The following PRKCG variants were observed in gnomAD, a reference collection of about 807,000 sequenced individuals.
The protein encoded by PRKCG is protein kinase C gamma type.
A neutral mutation model predicts 82.0 loss-of-function variants in PRKCG; 28 were observed. That is an observed-to-expected ratio of 0.34 (90% confidence interval 0.25 to 0.47). The LOEUF (loss-of-function observed/expected upper bound fraction) is 0.47, where lower values mean the gene tolerates loss of function less well. Among genes scored for constraint, PRKCG ranks in the 20% least tolerant of loss-of-function variants. The pLI is 1.00. For missense variants in PRKCG, 640 were observed against 952.7 expected (o/e 0.67, Z 4.32); for synonymous variants, 383 against 376.6 (o/e 1.02, Z -0.20).
chr19:53,894,765 C>A (rs1396999938), intron 9 of PRKCG, among the ~76,000 whole-genome samples: 1 of 152,176 alleles, frequency 6.6e-6, no homozygotes, highest in Non-Finnish European at 1.5e-5. Context: ...CAGACGAATA[C>A]CCATTTTCTA....
chr19:53,903,044 C>T, intron 14 of PRKCG, 29 bp from the exon 15 acceptor site: 2 of 1,581,816 alleles, frequency 1.3e-6, no homozygotes, highest in Non-Finnish European at 1.7e-6. Context: ...AAGAACGCAT[C>T]ATGATTCCCT....
rs2068617144 is a variant in PRKCG, at chr19:53,884,411, G to A, written c.285+168G>A. 6.6e-6 allele frequency among the ~76,000 whole-genome samples: 1 copy of A among 152,086 alleles called. No individual in the cohort carries two copies. The highest frequency in any genetic ancestry group is 6.6e-5 in the Admixed American group (1 of 15,254). Reference sequence around the variant, plus strand: ...TTCCTTGCCCTTGGCCTGGAAAGGGGGAATGCGAGGGGGACTGACAGGCTG... The same window carrying A: ...TTCCTTGCCCTTGGCCTGGAAAGGGAGAATGCGAGGGGGACTGACAGGCTG... On this transcript the variant is annotated intron_variant, in intron 3 of 17. Transcript: ENST00000263431. The surrounding 1 kb of genome is among the most constrained non-coding windows in gnomAD (Gnocchi z 4.6).
rs113382850 is a variant in PRKCG, at chr19:53,896,376, G to GATTATTATT, written c.940-1544_940-1536dup. ...CAACACAGCAAACAGAAACAGCCCT[G>GATTATTATT]ATTATTATTATTATTATTATTATTA... is the stretch of plus-strand genomic sequence containing the variant. On this transcript the variant is annotated intron_variant, in intron 9 of 17. Coordinates refer to ENST00000263431, the MANE Select transcript of PRKCG (RefSeq NM_002739.5). 8.3e-4 allele frequency among the ~76,000 whole-genome samples: 118 copies of GATTATTATT among 141,938 alleles called. 2 individuals are homozygous for GATTATTATT. Among genetic ancestry groups the GATTATTATT allele is most frequent in the Admixed American group, 1.1e-3 (15 of 14,046 alleles). The allele number at this position is 141,938 out of a possible 152,430, so 93.1% of individuals were successfully genotyped here.
chr19:53,891,667 C>T lies in PRKCG; in HGVS notation c.530-7C>T, dbSNP rs200356049. On this transcript the variant is annotated splice_polypyrimidine_tract_variant and splice_region_variant and intron_variant, in intron 5 of 17. Coordinates refer to ENST00000263431, the MANE Select transcript of PRKCG (RefSeq NM_002739.5). ...ACCCGTCACACTCTTCCTCACTCCC[C>T]GTTTAGTTGGCGAGGCCCGTAACCT... 1.5e-3 allele frequency: 2,485 copies of T among 1,613,724 alleles called. 28 individuals are homozygous for T. The highest frequency in any genetic ancestry group is 6.9e-4 in the Non-Finnish European group (818 of 1,179,800).
intron 15 of PRKCG, 124 bp downstream of exon 15, chr19:53,903,277 T>C: frequency 1.2e-6 from 1 of 808,394 alleles, no homozygotes; most frequent in Non-Finnish European, 2.2e-6. Context: ...TCCATGGTTC[T>C]GAAGTGTTGT....
chr19:53,906,190 T>C, intron 16 of PRKCG, 127 bp from the exon 17 acceptor site: 2 of 1,262,976 alleles, frequency 1.6e-6, no homozygotes, highest in South Asian at 1.3e-5. Context: ...GCTGTTCTTA[T>C]CTCTCCGGAT....
At chr19:53,896,403 T>G (rs2068718513) in intron 9 of PRKCG, among the ~76,000 whole-genome samples, 1 of 148,130 alleles carries the variant, frequency 6.8e-6, no homozygotes, top group South Asian at 2.1e-4. Flanking sequence ...TTATTATTAT[T>G]ATTATTATTA....
In PRKCG at chr19:53,900,746, G is replaced by A. The variant is rs760092806; in HGVS notation, c.1572G>A (p.Pro524=). The part of the protein sequence containing the change: ...TFCGTPDYIA[P]EIIAYQPYGK... Reference sequence around the variant, plus strand: ...GCGGGACCCCGGACTACATAGCCCCGGAGGTAACCCCAACCCTGCTGCTCT... The same window carrying A: ...GCGGGACCCCGGACTACATAGCCCCAGAGGTAACCCCAACCCTGCTGCTCT... Residue 524 remains proline (P), a synonymous_variant, in exon 14 of 18, where the codon CCG becomes CCA. Coordinates refer to ENST00000263431, the MANE Select transcript of PRKCG (RefSeq NM_002739.5). The surrounding 1 kb of genome is among the most constrained non-coding windows in gnomAD (Gnocchi z 4.2). The A allele has an allele frequency of 7.4e-6, 12 of 1,614,038 alleles. No individual in the cohort carries two copies. In the Admixed American group the frequency reaches 2.0e-4, roughly 27 times the overall value.
At position 53,906,340 on chromosome 19, in the gene PRKCG, G is replaced by A; in HGVS notation, c.1788G>A (p.Lys596=). ...CKGFLTKHPG[K]RLGSGPDGEP... is the part of the protein sequence containing the mutation. ...AGTTCCTGACCAAGCACCCAGGGAA[G>A]CGCCTGGGCTCAGGGCCTGATGGGG... Residue 596 remains lysine (K), a synonymous_variant, in exon 17 of 18, where the codon AAG becomes AAA. Transcript: ENST00000263431. The A allele has an allele frequency of 1.9e-6, 3 of 1,551,646 alleles. No individual in the cohort carries two copies. The highest frequency in any genetic ancestry group is 1.4e-5 in the African/African-American group (1 of 73,008).
At chr19:53,906,266 G>A in intron 16 of PRKCG, 51 bp from the exon 17 acceptor site, 1 of 1,549,334 alleles carries the variant, frequency 6.5e-7, no homozygotes, top group Non-Finnish European at 8.7e-7. Flanking sequence ...GGGTCTACCT[G>A]TCCGGCACTC....
At chr19:53,897,845 T>C (rs2068728448) in intron 9 of PRKCG, 114 bp from the exon 10 acceptor site, 8 of 1,478,660 alleles carry the variant, frequency 5.4e-6, no homozygotes, top group African/African-American at 1.4e-5. Flanking sequence ...GCCATTTTCC[T>C]CTGTCTAGCG....
chr19:53,884,300 T>TCGGCGTC lies in PRKCG; in HGVS notation c.285+60_285+66dup. On this transcript the variant is annotated intron_variant, in intron 3 of 17. Transcript: ENST00000263431. This position sits in a 1 kb window ranked among gnomAD's most constrained non-coding sequence, Gnocchi z 4.6. ...GGGCCGTGCCCCCGCCCTCACCCCC[T>TCGGCGTC]CGGCGTCCGTCCCAATTTCTCCTGC... The TCGGCGTC allele has an allele frequency of 6.7e-7, 1 of 1,485,882 alleles. No individual in the cohort carries two copies. The highest frequency in any genetic ancestry group is 9.4e-7 in the Non-Finnish European group (1 of 1,065,656). 92.0% of individuals were successfully genotyped at this position (1,485,882 alleles called of 1,614,324 possible).
chr19:53,883,275 G>A lies in PRKCG; in HGVS notation c.202+81G>A. On this transcript the variant is annotated intron_variant, in intron 2 of 17. Transcript: ENST00000263431. This position sits in a 1 kb window ranked among gnomAD's most constrained non-coding sequence, Gnocchi z 5.4. ...CCACAGCTGAGGCTGCTTGACACAC[G>A]TGTTCTCTGGTCCCCAGAGAGGCGC... is the stretch of plus-strand genomic sequence containing the variant. 4 of 1,532,938 alleles carry A rather than the reference G, an allele frequency of 2.6e-6. No individual in the cohort carries two copies. In the South Asian group the frequency reaches 4.5e-5, roughly 17 times the overall value. 95.0% of individuals were successfully genotyped at this position (1,532,938 alleles called of 1,614,324 possible).
At position 53,900,063 on chromosome 19, in the gene PRKCG, G is replaced by T. The variant is rs1167802517; in HGVS notation, c.1282-170G>T. ...CGGTGGTCTGGCGGGTGGAGATTCT[G>T]AGGTAGCAGGATTAGCACCTTAGGG... On this transcript the variant is annotated intron_variant, in intron 11 of 17. Coordinates refer to ENST00000263431, the MANE Select transcript of PRKCG (RefSeq NM_002739.5). The surrounding 1 kb of genome is among the most constrained non-coding windows in gnomAD (Gnocchi z 4.2). Among the ~76,000 whole-genome samples, 2 of 152,178 alleles carry T rather than the reference G, an allele frequency of 1.3e-5. No individual in the cohort carries two copies. Among genetic ancestry groups the T allele is most frequent in the African/African-American group, 4.8e-5 (2 of 41,430 alleles).
Position 53,906,025 on chromosome 19 carries a change from CCCTCCTCCTCCTCCTCCCTCCTCCTCCT to C in PRKCG, c.1765-274_1765-247del, listed in dbSNP as rs1436679717. Among the ~76,000 whole-genome samples, 7 of 79,604 alleles carry C rather than the reference CCCTCCTCCTCCTCCTCCCTCCTCCTCCT, an allele frequency of 8.8e-5. 1 individual carries two copies. The South Asian group carries it at 1.5e-3, about 17-fold the overall frequency. 52.2% of individuals were successfully genotyped at this position (79,604 alleles called of 152,430 possible). A position where few individuals can be genotyped will look rare whatever the true frequency, so the allele number is the denominator to read the frequency against. ...TCTCTGTCTCGCTCTCTGTCTGTCT[CCCTCCTCCTCCTCCTCCCTCCTCCTCCT>C]CCTCCTCCTCCTCCTCCTCCTCCTC... On this transcript the variant is annotated intron_variant, in intron 16 of 17. Transcript: ENST00000263431.
Position 53,896,172 on chromosome 19 carries a change from G to A in PRKCG, c.940-1787G>A, listed in dbSNP as rs373901442. Among the ~76,000 whole-genome samples, 21 of 151,954 alleles carry A rather than the reference G, an allele frequency of 1.4e-4. No homozygotes were observed. The East Asian group carries it at 2.5e-3, about 18-fold the overall frequency. On this transcript the variant is annotated intron_variant, in intron 9 of 17. Transcript: ENST00000263431. ...TGAGATCAGCAGGGATGATCCTCCC[G>A]TACAAACCCAAGAAACCCAGCAGGG...
rs1599937461 is a variant in PRKCG at position 53,883,070 on chromosome 19, G to A, written c.171-93G>A. On this transcript the variant is annotated intron_variant, in intron 1 of 17. Transcript: ENST00000263431. The surrounding 1 kb of genome is among the most constrained non-coding windows in gnomAD (Gnocchi z 5.4). ...CTTGGACACCTGGGCCCTGCGGGAG[G>A]AGGGTCAGAGAGCGCAGGCCCCCTG... 1.9e-5 allele frequency: 29 copies of A among 1,504,076 alleles called. No homozygotes were observed. Among genetic ancestry groups the A allele is most frequent in the Non-Finnish European group, 2.1e-5 (23 of 1,080,758 alleles). The allele number at this position is 1,504,076 out of a possible 1,614,324, so 93.2% of individuals were successfully genotyped here.
intron 3 of PRKCG, among the ~76,000 whole-genome samples, chr19:53,885,848 G>A (rs968881892): frequency 6.6e-6 from 1 of 151,622 alleles, no homozygotes; most frequent in African/African-American, 2.4e-5. Context: ...GACCCCCCTC[G>A]TCCACTCACC....
intron 15 of PRKCG, among the ~76,000 whole-genome samples, chr19:53,904,365 G>A (rs1484917600): frequency 6.7e-6 from 1 of 150,016 alleles, no homozygotes; most frequent in Non-Finnish European, 1.5e-5. Context: ...ATAATTAACA[G>A]CCTGCTGATT....
Sources: allele counts gnomAD v4.1 joint callset (sites outside exome capture counted in the v4.1 genomes callset), GRCh38; gene constraint gnomAD v4.1.1; non-coding constraint Gnocchi (gnomAD v3.1); transcripts MANE v1.5; gene names NCBI Gene and HGNC (gene_info 2026-07-23, HGNC 2026-07-21).